CREB3L2: variants seen among roughly 807,000 people sequenced by gnomAD.
The protein encoded by CREB3L2 is cAMP responsive element binding protein 3 like 2.
A neutral mutation model predicts 57.2 loss-of-function variants in CREB3L2; 23 were observed. The ratio of observed to expected loss-of-function variants is 0.40; its 90% CI spans 0.29 to 0.57. The LOEUF is 0.57. Among genes scored for constraint, CREB3L2 ranks in the 20% least tolerant of loss-of-function variants. The pLI is 0.42. For synonymous variants in CREB3L2, 268 were observed against 265.1 expected, an observed-to-expected ratio of 1.01 and a Z score of -0.11; for missense variants, 628 against 634.7, an observed-to-expected ratio of 0.99 and a Z score of 0.11.
rs1585634653 is a variant in CREB3L2 at position 137,928,378 on chromosome 7, A to G, written c.103-12T>C. ...AGTTCTGAGAAGTGCTACAAGAAACAAAGGAGGAAGAACTCAGTTTCTCTT... is the reference window on the plus strand; with the variant it reads ...AGTTCTGAGAAGTGCTACAAGAAACGAAGGAGGAAGAACTCAGTTTCTCTT... On this transcript the variant is annotated splice_polypyrimidine_tract_variant and intron_variant, in intron 1 of 11. Coordinates refer to ENST00000330387, the MANE Select transcript of CREB3L2 (RefSeq NM_194071.4). The G allele has an allele frequency of 6.2e-7, 1 of 1,608,614 alleles. No homozygotes were observed.
At chr7:137,909,353 A>G (rs1171689203) in intron 4 of CREB3L2, among the ~76,000 whole-genome samples, 1 of 152,214 alleles carries the variant, frequency 6.6e-6, no homozygotes, top group African/African-American at 2.4e-5. Flanking sequence ...GTCAGCGTCC[A>G]TCAGGCATCT....
At chr7:137,915,288 T>C (rs527523940) in intron 3 of CREB3L2, among the ~76,000 whole-genome samples, 16 of 152,226 alleles carry the variant, frequency 1.1e-4, no homozygotes, top group Non-Finnish European at 1.9e-4. Flanking sequence ...TTTCCACGGG[T>C]AACACAATAA....
chr7:137,952,904 G>A (rs947137728), intron 1 of CREB3L2, among the ~76,000 whole-genome samples: 22 of 152,046 alleles, frequency 1.4e-4, no homozygotes, highest in African/African-American at 3.9e-4. Flanking sequence ...TACAACCTCC[G>A]CCTCCCGGGT....
At chr7:137,946,125 C>T (rs1800969192) in intron 1 of CREB3L2, among the ~76,000 whole-genome samples, 1 of 152,130 alleles carries the variant, frequency 6.6e-6, no homozygotes, top group South Asian at 2.1e-4. Context: ...AAGATGACTC[C>T]CAAGACTCCT....
At chr7:137,893,412 C>G (rs1799561182) in intron 8 of CREB3L2, among the ~76,000 whole-genome samples, 1 of 152,210 alleles carries the variant, frequency 6.6e-6, no homozygotes, top group African/African-American at 2.4e-5. Context: ...TGAATTAAAA[C>G]CAAGGTAAAA....
chr7:137,928,083 T>A, intron 2 of CREB3L2, 67 bp downstream of exon 2: 1 of 1,225,314 alleles, frequency 8.2e-7, no homozygotes, highest in Non-Finnish European at 1.2e-6. Context: ...TAATACACAC[T>A]CCACACCCTC....
chr7:137,995,975 T>G (rs995829939), intron 1 of CREB3L2, among the ~76,000 whole-genome samples: 9 of 152,220 alleles, frequency 5.9e-5, no homozygotes, highest in African/African-American at 2.2e-4. Flanking sequence ...AAAGATTTTT[T>G]GCTAAGCCAA....
rs550597138 is a variant in CREB3L2, at chr7:137,985,984, G to C, written c.102+15620C>G. Among the ~76,000 whole-genome samples, 4 of 151,940 alleles carry C rather than the reference G, an allele frequency of 2.6e-5. No homozygotes were observed. In the South Asian group the frequency reaches 8.3e-4, roughly 32 times the overall value. On this transcript the variant is annotated intron_variant, in intron 1 of 11. Coordinates refer to ENST00000330387, the MANE Select transcript of CREB3L2 (RefSeq NM_194071.4). ...AATGCAGCAAAAATTTTCTTCCTAG[G>C]CCTCTCAGAAACTATTGGAGAAAAA...
intron 1 of CREB3L2, among the ~76,000 whole-genome samples, chr7:137,997,019 T>C (rs1443005018): frequency 6.6e-6 from 1 of 152,228 alleles, no homozygotes; most frequent in African/African-American, 2.4e-5. Context: ...ATGTTTATCA[T>C]GGGCAAACCA....
intron 8 of CREB3L2, among the ~76,000 whole-genome samples, chr7:137,894,372 T>C (rs1002677156): frequency 2.6e-5 from 4 of 152,192 alleles, no homozygotes; most frequent in African/African-American, 9.7e-5. Context: ...CCTTTGTCTT[T>C]GACCCAGGAA....
intron 1 of CREB3L2, among the ~76,000 whole-genome samples, chr7:137,957,056 C>T (rs1801229974): frequency 6.6e-6 from 1 of 152,064 alleles, no homozygotes; most frequent in Non-Finnish European, 1.5e-5. Flanking sequence ...CTTCTTCGGC[C>T]TCTCCACTCC....
At chr7:137,930,177 G>A (rs1480758711) in intron 1 of CREB3L2, among the ~76,000 whole-genome samples, 5 of 152,038 alleles carry the variant, frequency 3.3e-5, no homozygotes, top group South Asian at 2.1e-4. Context: ...GATTACAGGC[G>A]TGAGCCACTG....
Position 137,884,977 on chromosome 7 carries a change from T to G in CREB3L2, c.1270+18A>C, listed in dbSNP as rs755971272. 1 of 1,614,100 alleles carries G rather than the reference T, an allele frequency of 6.2e-7. No homozygotes were observed. The highest frequency in any genetic ancestry group is 2.2e-5 in the East Asian group (1 of 44,878). On this transcript the variant is annotated intron_variant, in intron 10 of 11. Transcript: ENST00000330387. ...AAATAAAACAAGACCCTGCCCAACT[T>G]GCCACATGCTGTCTTACCCACGGAG...
chr7:137,998,673 A>C (rs1802029196), intron 1 of CREB3L2, among the ~76,000 whole-genome samples: 1 of 152,240 alleles, frequency 6.6e-6, no homozygotes, highest in African/African-American at 2.4e-5. Flanking sequence ...GGCTCATTTC[A>C]CTGGGTCATT....
At chr7:137,884,796 G>T in intron 10 of CREB3L2, 199 bp downstream of exon 10, 2 of 681,382 alleles carry the variant, frequency 2.9e-6, no homozygotes, top group East Asian at 5.3e-5. Context: ...TCAAGCTCTG[G>T]AGAATTCCCA....
intron 1 of CREB3L2, among the ~76,000 whole-genome samples, chr7:137,938,606 A>T (rs1171715378): frequency 1.3e-5 from 2 of 152,106 alleles, no homozygotes; most frequent in Admixed American, 6.5e-5. Flanking sequence ...GGCTTCCCAA[A>T]GTGCTGGGAT....
chr7:137,908,317 G>T lies in CREB3L2; in HGVS notation c.703C>A (p.Pro235Thr). The change falls in exon 5 of 12, where the codon CCC becomes ACC. Residue 235 changes from proline to threonine, a missense_variant. Physicochemically the swap from Pro to Thr is conservative, Grantham distance 38 (BLOSUM62 -1). Transcript: ENST00000330387. ...GGGGCCCGGGGTGCAGCTCTGGAGG[G>T]GCTGTGGGTCTGAGGCAGGCTGAAG... ...HPFSLPQTHSPSRAAPRAPSA... is the reference protein window; with the variant it reads ...HPFSLPQTHSTSRAAPRAPSA... 1 of 1,258,038 alleles carries T rather than the reference G, an allele frequency of 7.9e-7. No individual in the cohort carries two copies. Among genetic ancestry groups the T allele is most frequent in the Non-Finnish European group, 1.0e-6 (1 of 992,454 alleles). 77.9% of individuals were successfully genotyped at this position (1,258,038 alleles called of 1,614,324 possible). A position where few individuals can be genotyped will look rare whatever the true frequency, so the allele number is the denominator to read the frequency against.
At chr7:137,982,238 T>C (rs1801723150) in intron 1 of CREB3L2, among the ~76,000 whole-genome samples, 1 of 152,226 alleles carries the variant, frequency 6.6e-6, no homozygotes, top group African/African-American at 2.4e-5. Flanking sequence ...CCAGACCCTC[T>C]TGAGGCCATA....
intron 6 of CREB3L2, among the ~76,000 whole-genome samples, chr7:137,905,342 T>C (rs544194104): frequency 1.3e-5 from 2 of 148,370 alleles, no homozygotes; most frequent in South Asian, 4.2e-4. Flanking sequence ...ATATGTCTAC[T>C]AGAGGAAACT....
Sources: gnomAD v4.1 joint callset for allele counts (sites outside exome capture counted in the v4.1 genomes callset) on GRCh38, gnomAD v4.1.1 for gene constraint, MANE v1.5 for transcripts, NCBI Gene and HGNC (gene_info 2026-07-23, HGNC 2026-07-21) for gene names.